The following C5orf58 variants were observed in gnomAD, a reference collection of about 807,000 sequenced individuals.
C5orf58 encodes putative uncharacterized protein C5orf58.
Under a neutral mutation model 2.9 loss-of-function variants are expected in C5orf58, and 2 were observed. The observed-to-expected ratio is 0.69, with a 90% CI of 0.28 to 2.18. The LOEUF is 2.18. Among genes scored for constraint, C5orf58 ranks in the 30% most tolerant of loss-of-function variants. The pLI, the probability that C5orf58 is intolerant of heterozygous loss-of-function variation, is 0.13. For synonymous variants in C5orf58, 37 were observed against 33.4 expected, an observed-to-expected ratio of 1.11 and a Z score of -0.37; for missense variants, 96 against 91.7, an observed-to-expected ratio of 1.05 and a Z score of -0.19.
chr5:170,235,062 A>C lies in C5orf58; in HGVS notation c.86A>C (p.Lys29Thr), dbSNP rs372397629. ...AACACAATTTCTTCGGAGTTGAAGA[A>C]GATAAAAGGTAAGTATTGAATCACT... ...NINTISSELK[K>T]IKELSQLLLC... Residue 29 changes from lysine (K) to threonine (T), a missense_variant, in exon 3 of 4, where the codon AAG becomes ACG. Lys to Thr is a moderately conservative substitution (Grantham distance 78). Coordinates refer to ENST00000593851, the MANE Select transcript of C5orf58 (RefSeq NM_001102609.3). 1.4e-6 allele frequency: 2 copies of C among 1,439,098 alleles called. No homozygotes were observed. The highest frequency in any genetic ancestry group is 2.5e-5 in the South Asian group (2 of 81,390). 89.1% of individuals were successfully genotyped at this position (1,439,098 alleles called of 1,614,324 possible). A position where few individuals can be genotyped will look rare whatever the true frequency, so the allele number is the denominator to read the frequency against.
At chr5:170,234,794 G>A (rs144652063) in intron 2 of C5orf58, 183 bp from the exon 3 acceptor site, 8 of 393,736 alleles carry the variant, frequency 2.0e-5, no homozygotes, top group Non-Finnish European at 3.2e-5. Context: ...GGAGTTTTTA[G>A]TTGGAAAAAT....
chr5:170,239,828 GGTTA>G (rs1760910049), intron 3 of C5orf58, among the ~76,000 whole-genome samples: 2 of 151,812 alleles, frequency 1.3e-5, no homozygotes, highest in African/African-American at 4.8e-5. Flanking sequence ...ACATTGTGCA[GGTTA>G]GTTACATATG....
rs138529941 is a variant in C5orf58 at position 170,238,252 on chromosome 5, G to C, written c.94+3182G>C. 4.1e-3 allele frequency among the ~76,000 whole-genome samples: 627 copies of C among 152,214 alleles called. 2 individuals are homozygous for C. The highest frequency in any genetic ancestry group is 6.5e-3 in the Non-Finnish European group (444 of 68,018). On this transcript the variant is annotated intron_variant, in intron 3 of 3. Coordinates refer to ENST00000593851, the MANE Select transcript of C5orf58 (RefSeq NM_001102609.3). Reference sequence around the variant, plus strand: ...TCAAGAAATTATTAATATTCAGAGAGAAGAGAAGATACTGTATCCATGAAA... The same window carrying C: ...TCAAGAAATTATTAATATTCAGAGACAAGAGAAGATACTGTATCCATGAAA...
intron 3 of C5orf58, 47 bp downstream of exon 3, chr5:170,235,117 A>C (rs1276738080): frequency 1.8e-5 from 18 of 995,826 alleles, no homozygotes; most frequent in Non-Finnish European, 2.1e-5. Context: ...GTTATAAAAT[A>C]AATGATAGAG....
At chr5:170,249,380 A>ATATC (rs57880741), downstream of C5orf58, among the ~76,000 whole-genome samples, 54,425 of 147,864 alleles carry the variant, frequency 0.37, 10,787 homozygotes, top group South Asian at 0.46. Flanking sequence ...ATATATATAT[A>ATATC]TCTACATATC....
intron 3 of C5orf58, among the ~76,000 whole-genome samples, chr5:170,240,119 G>A (rs1224870000): frequency 3.3e-5 from 5 of 150,190 alleles, no homozygotes; most frequent in Non-Finnish European, 5.9e-5. Flanking sequence ...CATTTTTTAT[G>A]GCTGCATAGT....
At position 170,232,991 on chromosome 5, in the gene C5orf58, C is replaced by T. The variant is rs1760569882; in HGVS notation, c.-101C>T. 1 of 985,156 alleles carries T rather than the reference C, an allele frequency of 1.0e-6. No homozygotes were observed. 61.0% of individuals were successfully genotyped at this position (985,156 alleles called of 1,614,324 possible). On this transcript the variant is annotated 5_prime_UTR_variant, in exon 1 of 4. Coordinates refer to ENST00000593851, the MANE Select transcript of C5orf58 (RefSeq NM_001102609.3). ...CGGCTCCCTGCTCCTGTCAGAACCTCGGTGACGGTTGGCCAGGTGGGTAGT... is the reference window on the plus strand; with the variant it reads ...CGGCTCCCTGCTCCTGTCAGAACCTTGGTGACGGTTGGCCAGGTGGGTAGT...
intron 2 of C5orf58, 147 bp downstream of exon 2, chr5:170,234,345 C>T (rs549124073): frequency 1.5e-5 from 6 of 404,004 alleles, no homozygotes; most frequent in East Asian, 7.3e-5. Flanking sequence ...TCTAGTGAAC[C>T]ACCTCTCTGT....
At chr5:170,235,122 A>G (rs2113084361) in intron 3 of C5orf58, 52 bp downstream of exon 3, 9 of 959,634 alleles carry the variant, frequency 9.4e-6, no homozygotes, top group Non-Finnish European at 1.4e-5. Flanking sequence ...AAAATAAATG[A>G]TAGAGCCAGT....
chr5:170,240,790 T>C (rs1224773871), intron 3 of C5orf58, among the ~76,000 whole-genome samples: 1 of 150,720 alleles, frequency 6.6e-6, no homozygotes, highest in African/African-American at 2.4e-5. Flanking sequence ...TTAGATCCCA[T>C]TTGTCAATTT....
intron 3 of C5orf58, among the ~76,000 whole-genome samples, chr5:170,240,585 G>A (rs1475536109): frequency 6.6e-6 from 1 of 151,916 alleles, no homozygotes; most frequent in Non-Finnish European, 1.5e-5. Flanking sequence ...TTTGAGAAGT[G>A]TCTGTTCATG....
At chr5:170,240,572 T>C (rs1250090112) in intron 3 of C5orf58, among the ~76,000 whole-genome samples, 19 of 152,096 alleles carry the variant, frequency 1.2e-4, no homozygotes. Flanking sequence ...ATAAATGTCT[T>C]CTTTTGAGAA....
At chr5:170,240,290 C>CA (rs1342584074) in intron 3 of C5orf58, among the ~76,000 whole-genome samples, 31 of 144,740 alleles carry the variant, frequency 2.1e-4, no homozygotes, top group African/African-American at 7.2e-4. Flanking sequence ...GGTATATACC[C>CA]AGTAATGGGA....
rs188626101 is a variant in C5orf58 at position 170,245,932 on chromosome 5, A to G, written c.95-30A>G. 1,193 of 1,596,488 alleles carry G rather than the reference A, an allele frequency of 7.5e-4. 19 individuals are homozygous for G. In the South Asian group the frequency reaches 0.012, roughly 16 times the overall value. Reference sequence around the variant, plus strand: ...AGTTTTTTATGACATATGTGCTACAATATAATATCTCCTGTTTTGTTTTGC... The same window carrying G: ...AGTTTTTTATGACATATGTGCTACAGTATAATATCTCCTGTTTTGTTTTGC... On this transcript the variant is annotated intron_variant, in intron 3 of 3. Transcript: ENST00000593851.
downstream of C5orf58, chr5:170,248,685 G>C (rs538560828): frequency 3.8e-6 from 6 of 1,573,212 alleles, no homozygotes; most frequent in South Asian, 6.7e-5. Flanking sequence ...TCATTTGCTC[G>C]GCTATAACTT....
chr5:170,234,501 A>T (rs984787343), intron 2 of C5orf58, among the ~76,000 whole-genome samples: 1 of 152,226 alleles, frequency 6.6e-6, no homozygotes, highest in African/African-American at 2.4e-5. Context: ...CTCTTAGTGG[A>T]TTATAATTGA....
chr5:170,248,475 A>G, downstream of C5orf58: 1 of 449,436 alleles, frequency 2.2e-6, no homozygotes, highest in Non-Finnish European at 4.0e-6. Flanking sequence ...TCAAGTGTGA[A>G]CATGACTCAT....
downstream of C5orf58, among the ~76,000 whole-genome samples, chr5:170,249,103 C>T (rs995061712): frequency 3.3e-5 from 5 of 152,224 alleles, no homozygotes; most frequent in Non-Finnish European, 7.4e-5. Context: ...CGGTGGATCA[C>T]CTGAGGTCAG....
chr5:170,251,581 A>T (rs903086681), intron 2 of C5orf58: 2 of 455,464 alleles, frequency 4.4e-6, no homozygotes, highest in Non-Finnish European at 8.8e-6. Flanking sequence ...CCTCATACCA[A>T]ATCAGGATAG....
Sources: allele counts gnomAD v4.1 joint callset (sites outside exome capture counted in the v4.1 genomes callset), GRCh38; gene constraint gnomAD v4.1.1; transcripts MANE v1.5; gene names NCBI Gene and HGNC (gene_info 2026-07-23, HGNC 2026-07-21).